The following FAT3 variants were observed in gnomAD, a reference collection of about 807,000 sequenced individuals.
The protein encoded by FAT3 is protocadherin Fat 3.
A neutral mutation model predicts 310.2 loss-of-function variants in FAT3; 95 were observed. The observed-to-expected ratio is 0.31, with a 90% confidence interval of 0.26 to 0.36. The LOEUF is 0.36. Ranked by LOEUF, FAT3 falls within the 10% of genes least tolerant of loss-of-function variation. The probability of loss-of-function intolerance (pLI) is 1.00; values close to 1 mark genes in which losing one functional copy is unlikely to be tolerated. For missense variants in FAT3, 5,408 were observed against 5,715.6 expected (o/e 0.95, Z 1.74); for synonymous variants, 2,314 against 2,192.9 (o/e 1.06, Z -1.54).
chr11:92,471,879 AG>A (rs1460182729), intron 2 of FAT3, among the ~76,000 whole-genome samples: 1 of 148,574 alleles, frequency 6.7e-6, no homozygotes, highest in Admixed American at 6.8e-5. Context: ...TATTATTGAA[AG>A]GTAAAAGTCT....
rs1452960419 is a variant in FAT3 at position 92,835,034 on chromosome 11, T to C, written c.10036T>C (p.Tyr3346His). 8.1e-6 allele frequency: 13 copies of C among 1,613,584 alleles called. No homozygotes were observed. The highest frequency in any genetic ancestry group is 1.1e-5 in the Non-Finnish European group (13 of 1,179,796). Residue 3346 changes from tyrosine (Y) to histidine (H), a missense_variant, in exon 15 of 28, where the codon TAC becomes CAC. By Grantham distance (83) the Tyr-to-His change is moderately conservative. This residue lies in a region of FAT3 where 4,588 missense variants were observed against 4,809.8 expected (regional missense o/e 0.95). Coordinates refer to ENST00000525166, the MANE Select transcript of FAT3 (RefSeq NM_001367949.2). ...DNPPKFSQDV[Y>H]SAVISEDALV... ...CCCTCCCAAGTTCAGCCAAGACGTC[T>C]ACAGTGCGGTTATCAGTGAAGACGC...
At chr11:92,367,580 A>G (rs1949060521) in intron 2 of FAT3, among the ~76,000 whole-genome samples, 1 of 152,208 alleles carries the variant, frequency 6.6e-6, no homozygotes, top group South Asian at 2.1e-4. Flanking sequence ...GCAGTGAGCT[A>G]TGATCATGCC....
At chr11:92,507,690 A>T (rs1953157685) in intron 2 of FAT3, among the ~76,000 whole-genome samples, 1 of 151,940 alleles carries the variant, frequency 6.6e-6, no homozygotes, top group African/African-American at 2.4e-5. Context: ...ACACATGTGT[A>T]CATATACATG....
rs1455055969 is a variant in FAT3, at chr11:92,352,390, A to T, written c.278A>T (p.Lys93Ile). ...TCCGGAGACGAGGAAGGCTTTTTCAAAGCAGAGGAAGTCATCATTGCAGAT... is the reference window on the plus strand; with the variant it reads ...TCCGGAGACGAGGAAGGCTTTTTCATAGCAGAGGAAGTCATCATTGCAGAT... Reference protein sequence around the residue: ...IVSGDEEGFFKAEEVIIADFC... With the variant: ...IVSGDEEGFFIAEEVIIADFC... The change falls in exon 2 of 28, where the codon AAA becomes ATA. Residue 93 changes from lysine to isoleucine, a missense_variant. Coordinates refer to ENST00000525166, the MANE Select transcript of FAT3 (RefSeq NM_001367949.2). 2 of 1,610,362 alleles carry T rather than the reference A, an allele frequency of 1.2e-6. No homozygotes were observed. The highest frequency in any genetic ancestry group is 2.7e-5 in the African/African-American group (2 of 74,834).
chr11:92,396,909 G>A (rs1223288642), intron 2 of FAT3, among the ~76,000 whole-genome samples: 1 of 152,052 alleles, frequency 6.6e-6, no homozygotes, highest in African/African-American at 2.4e-5. Context: ...GTTTCACCAT[G>A]TTGCCCAGGC....
chr11:92,709,156 C>G (rs181088079), intron 4 of FAT3, among the ~76,000 whole-genome samples: 2 of 152,218 alleles, frequency 1.3e-5, no homozygotes, highest in Non-Finnish European at 2.9e-5. Flanking sequence ...TTATCACTAA[C>G]CCCTAAGCTT....
intron 14 of FAT3, 93 bp from the exon 15 acceptor site, chr11:92,834,777 T>A: frequency 1.8e-6 from 2 of 1,121,706 alleles, no homozygotes; most frequent in East Asian, 5.2e-5. Context: ...AATTCTTGGC[T>A]GGAGAGGATG....
At chr11:92,885,772 C>G (rs1390807233) in intron 24 of FAT3, among the ~76,000 whole-genome samples, 1 of 152,192 alleles carries the variant, frequency 6.6e-6, no homozygotes, top group Non-Finnish European at 1.5e-5. Context: ...TCATTTCCTT[C>G]CTTGTGTTCA....
intron 5 of FAT3, 78 bp from the exon 6 acceptor site, chr11:92,764,801 G>A: frequency 2.9e-6 from 4 of 1,373,194 alleles, no homozygotes; most frequent in Non-Finnish European, 4.0e-6. Flanking sequence ...TCTTGGCCCA[G>A]CAACATGAGT....
chr11:92,238,130 C>T (rs1306269663), intron 1 of FAT3, among the ~76,000 whole-genome samples: 1 of 152,016 alleles, frequency 6.6e-6, no homozygotes, highest in Non-Finnish European at 1.5e-5. Flanking sequence ...AGTAGCAGCC[C>T]CCATACTGGG....
intron 3 of FAT3, among the ~76,000 whole-genome samples, chr11:92,605,083 T>A (rs897432765): frequency 1.3e-5 from 2 of 152,204 alleles, no homozygotes; most frequent in Non-Finnish European, 2.9e-5. Flanking sequence ...CCCCAGTAAC[T>A]GCACCATCAT....
At chr11:92,370,737 T>A (rs1479378141) in intron 2 of FAT3, among the ~76,000 whole-genome samples, 1 of 152,214 alleles carries the variant, frequency 6.6e-6, no homozygotes, top group African/African-American at 2.4e-5. Flanking sequence ...GAGTTTGAGT[T>A]TGGTTTATGG....
chr11:92,572,028 G>A (rs1346238939), intron 3 of FAT3, among the ~76,000 whole-genome samples: 1 of 152,158 alleles, frequency 6.6e-6, no homozygotes, highest in African/African-American at 2.4e-5. Context: ...CCTGACAGGT[G>A]CCTTACCATG....
At chr11:92,413,658 T>C (rs947910741) in intron 2 of FAT3, among the ~76,000 whole-genome samples, 4 of 152,216 alleles carry the variant, frequency 2.6e-5, no homozygotes, top group African/African-American at 9.6e-5. Context: ...ATGTCTAGAA[T>C]TTCAGCTTTC....
chr11:92,541,610 C>T (rs978295565), intron 3 of FAT3, among the ~76,000 whole-genome samples: 82 of 152,158 alleles, frequency 5.4e-4, no homozygotes, highest in African/African-American at 1.9e-3. Flanking sequence ...TGGTTTACCC[C>T]ACATTCTCAA....
chr11:92,387,377 A>G (rs1460049553), intron 2 of FAT3, among the ~76,000 whole-genome samples: 1 of 152,020 alleles, frequency 6.6e-6, no homozygotes. Context: ...TCAAATCTGC[A>G]TTTTGGAAAA....
intron 2 of FAT3, among the ~76,000 whole-genome samples, chr11:92,418,220 T>C (rs1950457079): frequency 6.6e-6 from 1 of 152,162 alleles, no homozygotes; most frequent in African/African-American, 2.4e-5. Context: ...AAAATTTCCT[T>C]ATACTGGATA....
At chr11:92,641,042 C>T (rs1941943780) in intron 3 of FAT3, among the ~76,000 whole-genome samples, 1 of 152,054 alleles carries the variant, frequency 6.6e-6, no homozygotes, top group Non-Finnish European at 1.5e-5. Flanking sequence ...ACAAAACATA[C>T]AGAATTAGCC....
At chr11:92,581,347 G>T (rs1440295603) in intron 3 of FAT3, among the ~76,000 whole-genome samples, 1 of 151,674 alleles carries the variant, frequency 6.6e-6, no homozygotes, top group African/African-American at 2.4e-5. Context: ...TTGCAGTGAG[G>T]CTGTTCTTAC....
Sources: allele counts gnomAD v4.1 joint callset (sites outside exome capture counted in the v4.1 genomes callset), GRCh38; gene constraint gnomAD v4.1.1; regional missense constraint gnomAD v4.1.1; transcripts MANE v1.5; gene names NCBI Gene and HGNC (gene_info 2026-07-23, HGNC 2026-07-21).